CSMD3: variants seen among roughly 807,000 people sequenced by gnomAD.
CSMD3 encodes the protein CUB and Sushi multiple domains 3, also known as CUB and sushi domain-containing protein 3.
A neutral mutation model predicts 435.2 loss-of-function variants in CSMD3; 177 were observed. That is an observed-to-expected ratio of 0.41 (90% confidence interval 0.36 to 0.46). CSMD3 has a LOEUF of 0.46. CSMD3 is among the 20% of genes least tolerant of loss of function. The pLI, the probability that CSMD3 is intolerant of heterozygous loss-of-function variation, is 0.34. For missense variants in CSMD3, 4,265 were observed against 4,504.6 expected, an observed-to-expected ratio of 0.95 and a Z score of 1.52; for synonymous variants, 1,656 against 1,520.5, an observed-to-expected ratio of 1.09 and a Z score of -2.07.
intron 31 of CSMD3, among the ~76,000 whole-genome samples, chr8:112,488,196 C>T (rs779133818): frequency 2.0e-5 from 3 of 152,170 alleles, no homozygotes; most frequent in Non-Finnish European, 4.4e-5. Flanking sequence ...TTAACATATA[C>T]ACTTAATCCT....
intron 1 of CSMD3, among the ~76,000 whole-genome samples, chr8:113,316,551 C>CT (rs33988841): frequency 3.5e-5 from 5 of 143,860 alleles, no homozygotes; most frequent in Non-Finnish European, 6.1e-5. Context: ...CAGCTATATA[C>CT]TTTTTTTTTT....
chr8:113,032,569 T>C (rs2087160533), intron 5 of CSMD3, among the ~76,000 whole-genome samples: 1 of 151,606 alleles, frequency 6.6e-6, no homozygotes, highest in Non-Finnish European at 1.5e-5. Context: ...GTACATTTAA[T>C]ATGAATTCAT....
chr8:113,432,888 C>G (rs2094683600), intron 1 of CSMD3, among the ~76,000 whole-genome samples: 1 of 152,222 alleles, frequency 6.6e-6, no homozygotes, highest in Non-Finnish European at 1.5e-5. Context: ...CCCTCGGAGA[C>G]TCCTAAAGGT....
chr8:112,824,239 G>A lies in CSMD3; in HGVS notation c.1859+5447C>T, dbSNP rs543811805. Among the ~76,000 whole-genome samples the A allele has an allele frequency of 6.4e-4, 97 of 152,162 alleles. 1 individual carries two copies. The highest frequency in any genetic ancestry group is 2.3e-3 in the African/African-American group (94 of 41,500). ...TCTCCTGAATACAGCACCCTGATGA[G>A]TCTTGACTCTTTATCCAATTTGTCA... is the stretch of plus-strand genomic sequence containing the variant. On this transcript the variant is annotated intron_variant, in intron 12 of 70. Transcript: ENST00000297405.
At chr8:112,966,480 A>AT (rs1442501469) in intron 7 of CSMD3, among the ~76,000 whole-genome samples, 14 of 148,402 alleles carry the variant, frequency 9.4e-5, no homozygotes, top group South Asian at 2.1e-4. Flanking sequence ...TCTTTTTTTC[A>AT]TTTTTAAAAA....
chr8:113,217,020 T>C (rs2092913483), intron 3 of CSMD3, among the ~76,000 whole-genome samples: 1 of 151,808 alleles, frequency 6.6e-6, no homozygotes, highest in Non-Finnish European at 1.5e-5. Context: ...TTGTTGGAGT[T>C]CAAATCCAGT....
Position 112,408,265 on chromosome 8 carries a change from AT to A in CSMD3, c.5605+52del, listed in dbSNP as rs2130059748. The A allele has an allele frequency of 1.1e-5, 11 of 1,013,036 alleles. 1 individual carries two copies. In the South Asian group the frequency reaches 1.2e-4, roughly 11 times the overall value. The allele number at this position is 1,013,036 out of a possible 1,614,324, so 62.8% of individuals were successfully genotyped here. On this transcript the variant is annotated intron_variant, in intron 34 of 70. Coordinates refer to ENST00000297405, the MANE Select transcript of CSMD3 (RefSeq NM_198123.2). ...ATCATTCAAAAACTCTGAATACATC[AT>A]GGGAAAATTATATCATTCCTTAGTG...
Position 112,699,468 on chromosome 8 carries a change from A to G in CSMD3, c.1973-9418T>C, listed in dbSNP as rs550515420. ...GTTAATAAATACAGAATAAGTGGGG[A>G]AAAAAAGAGAAAACTAACATCTGGC... On this transcript the variant is annotated intron_variant, in intron 13 of 70. Transcript: ENST00000297405. Among the ~76,000 whole-genome samples the G allele has an allele frequency of 7.2e-5, 11 of 152,280 alleles. No homozygotes were observed. In the East Asian group the frequency reaches 1.2e-3, roughly 16 times the overall value.
chr8:112,941,870 T>A (rs7009209), intron 9 of CSMD3, among the ~76,000 whole-genome samples: 127,330 of 151,462 alleles, frequency 0.84, 53,692 homozygotes, highest in East Asian at 0.93. Context: ...TCTCTCCCCA[T>A]CATAATACAG....
At chr8:112,722,791 AAT>A (rs1194228597) in intron 13 of CSMD3, among the ~76,000 whole-genome samples, 3 of 152,234 alleles carry the variant, frequency 2.0e-5, no homozygotes, top group African/African-American at 7.2e-5. Context: ...TACAGAAAAT[AAT>A]ATGTGTATAA....
At chr8:113,395,412 T>C (rs1249143134) in intron 1 of CSMD3, among the ~76,000 whole-genome samples, 1 of 151,848 alleles carries the variant, frequency 6.6e-6, no homozygotes, top group Non-Finnish European at 1.5e-5. Context: ...TTGAGACCCA[T>C]CCTGGCTAAC....
intron 59 of CSMD3, among the ~76,000 whole-genome samples, chr8:112,266,638 A>C (rs938892255): frequency 6.6e-6 from 1 of 152,240 alleles, no homozygotes; most frequent in Non-Finnish European, 1.5e-5. Flanking sequence ...GTAAGTGCAC[A>C]CATAATATTA....
At chr8:112,476,032 A>ATTT (rs1433742748) in intron 31 of CSMD3, among the ~76,000 whole-genome samples, 1 of 152,024 alleles carries the variant, frequency 6.6e-6, no homozygotes, top group Non-Finnish European at 1.5e-5. Context: ...CCATATTTGC[A>ATTT]TTTTTTAATT....
intron 2 of CSMD3, among the ~76,000 whole-genome samples, chr8:113,281,966 C>G (rs183500162): frequency 1.8e-4 from 28 of 152,044 alleles, no homozygotes; most frequent in Non-Finnish European, 2.7e-4. Context: ...AAATTCTTGG[C>G]TGATAATTGT....
chr8:112,380,528 TAATCAGCCA>T, intron 37 of CSMD3, 72 bp from the exon 38 acceptor site: 1 of 830,272 alleles, frequency 1.2e-6, no homozygotes, highest in Non-Finnish European at 2.1e-6. Context: ...GTAAGTTTAC[TAATCAGCCA>T]ATAGAATACC....
At chr8:112,841,540 G>A (rs2080178725) in intron 11 of CSMD3, among the ~76,000 whole-genome samples, 1 of 151,732 alleles carries the variant, frequency 6.6e-6, no homozygotes, top group South Asian at 2.1e-4. Flanking sequence ...TATTTAAAGT[G>A]CTAACTAGAA....
chr8:113,271,627 T>C (rs1358515874), intron 3 of CSMD3, among the ~76,000 whole-genome samples: 1 of 152,100 alleles, frequency 6.6e-6, no homozygotes, highest in Admixed American at 6.6e-5. Context: ...TAGGCAAAAG[T>C]TTGCTGCAGG....
At chr8:112,948,688 A>G (rs2083698667) in intron 8 of CSMD3, among the ~76,000 whole-genome samples, 1 of 151,760 alleles carries the variant, frequency 6.6e-6, no homozygotes, top group Non-Finnish European at 1.5e-5. Context: ...CTATTATTTT[A>G]CTTTTTATCA....
intron 13 of CSMD3, among the ~76,000 whole-genome samples, chr8:112,747,283 T>C (rs1256973386): frequency 1.4e-5 from 2 of 140,628 alleles, no homozygotes; most frequent in Admixed American, 7.8e-5. Flanking sequence ...AATTTCAATA[T>C]ACTTCAAGAG....
Sources: gnomAD v4.1 joint callset for allele counts (sites outside exome capture counted in the v4.1 genomes callset) on GRCh38, gnomAD v4.1.1 for gene constraint, MANE v1.5 for transcripts, NCBI Gene and HGNC (gene_info 2026-07-23, HGNC 2026-07-21) for gene names.